SPRED1: variants seen among roughly 807,000 people sequenced by gnomAD.
The protein encoded by SPRED1 is sprouty related EVH1 domain containing 1.
A neutral mutation model predicts 52.3 loss-of-function variants in SPRED1; 18 were observed. The observed-to-expected ratio is 0.34, with a 90% CI of 0.24 to 0.51. The LOEUF (loss-of-function observed/expected upper bound fraction) is 0.51. Ranked by LOEUF, SPRED1 falls within the 20% of genes least tolerant of loss-of-function variation. The pLI is 0.97. For synonymous variants in SPRED1, 155 were observed against 179.7 expected, an observed-to-expected ratio of 0.86 and a Z score of 1.10; for missense variants, 485 against 551.0, an observed-to-expected ratio of 0.88 and a Z score of 1.20.
chr15:38,270,429 T>C (rs1894405599), intron 1 of SPRED1, among the ~76,000 whole-genome samples: 1 of 152,206 alleles, frequency 6.6e-6, no homozygotes, highest in Admixed American at 6.5e-5. Context: ...CTCACTGCTA[T>C]AAAGAACCAT....
intron 1 of SPRED1, among the ~76,000 whole-genome samples, chr15:38,254,351 C>A (rs1894046876): frequency 6.6e-6 from 1 of 152,148 alleles, no homozygotes; most frequent in Non-Finnish European, 1.5e-5. Context: ...ATTTCCTCCT[C>A]CCTTACTCCC....
intron 4 of SPRED1, 124 bp from the exon 5 acceptor site, chr15:38,339,613 A>G (rs1489141658): frequency 7.5e-6 from 7 of 938,344 alleles, no homozygotes; most frequent in East Asian, 4.8e-5. Context: ...ATTGCTATTC[A>G]TAGCGATGGT....
intron 1 of SPRED1, among the ~76,000 whole-genome samples, chr15:38,265,646 CTATT>C (rs1466039271): frequency 2.0e-5 from 3 of 151,166 alleles, no homozygotes; most frequent in Non-Finnish European, 4.4e-5. Context: ...TTTAATACAA[CTATT>C]TAGTTATAAA....
intron 2 of SPRED1, among the ~76,000 whole-genome samples, chr15:38,301,803 A>G (rs1012912497): frequency 6.6e-6 from 1 of 152,136 alleles, no homozygotes; most frequent in Non-Finnish European, 1.5e-5. Context: ...TCATTTCTGT[A>G]GTCATTGATT....
intron 1 of SPRED1, among the ~76,000 whole-genome samples, chr15:38,257,142 T>C (rs1022971397): frequency 2.6e-5 from 4 of 152,222 alleles, no homozygotes; most frequent in Non-Finnish European, 4.4e-5. Flanking sequence ...AGACCTTCTC[T>C]CTTCCCCTCT....
chr15:38,253,083 C>G lies in SPRED1; in HGVS notation c.-103C>G. On this transcript the variant is annotated 5_prime_UTR_variant, in exon 1 of 7. Coordinates refer to ENST00000299084, the MANE Select transcript of SPRED1 (RefSeq NM_152594.3). ...GGTGAGGCCCCTGTGCCGCTGCCCC[C>G]GCGCCCCCCCGGCCGCCGCTGCCTC... 1 of 990,774 alleles carries G rather than the reference C, an allele frequency of 1.0e-6. No individual in the cohort carries two copies. Among genetic ancestry groups the G allele is most frequent in the Admixed American group, 2.0e-5 (1 of 50,280 alleles). The allele number at this position is 990,774 out of a possible 1,614,324, so 61.4% of individuals were successfully genotyped here. A position where few individuals can be genotyped will look rare whatever the true frequency, so the allele number is the denominator to read the frequency against.
At chr15:38,279,776 T>C (rs1231704245) in intron 1 of SPRED1, among the ~76,000 whole-genome samples, 1 of 152,222 alleles carries the variant, frequency 6.6e-6, no homozygotes, top group Admixed American at 6.5e-5. Flanking sequence ...AGTAATTCAT[T>C]GCAAGGAGAC....
At chr15:38,295,872 C>CATT (rs1226005001) in intron 1 of SPRED1, among the ~76,000 whole-genome samples, 9 of 152,024 alleles carry the variant, frequency 5.9e-5, no homozygotes, top group Admixed American at 4.6e-4. Flanking sequence ...TTCATACATG[C>CATT]ATTAGCATGT....
At chr15:38,266,607 C>CTCCA (rs1471119733) in intron 1 of SPRED1, among the ~76,000 whole-genome samples, 2 of 152,094 alleles carry the variant, frequency 1.3e-5, no homozygotes, top group African/African-American at 4.8e-5. Flanking sequence ...GTGCACTGTG[C>CTCCA]TCCAGCCTGG....
rs1489650372 is a variant in SPRED1 at position 38,349,278 on chromosome 15, G to C, written c.583-144G>C. Reference sequence around the variant, plus strand: ...GGTTTTTGTTTGTGTTTTAGGTGGGGGGAAATGATTCTATTTTTATTCTCA... The same window carrying C: ...GGTTTTTGTTTGTGTTTTAGGTGGGCGGAAATGATTCTATTTTTATTCTCA... On this transcript the variant is annotated intron_variant, in intron 5 of 6. Coordinates refer to ENST00000299084, the MANE Select transcript of SPRED1 (RefSeq NM_152594.3). 6 of 618,788 alleles carry C rather than the reference G, an allele frequency of 9.7e-6. No individual in the cohort carries two copies. The East Asian group carries it at 1.8e-4, about 18-fold the overall frequency. The allele number at this position is 618,788 out of a possible 1,614,324, so 38.3% of individuals were successfully genotyped here. A position where few individuals can be genotyped will look rare whatever the true frequency, so the allele number is the denominator to read the frequency against.
intron 5 of SPRED1, among the ~76,000 whole-genome samples, chr15:38,340,571 C>T (rs181594703): frequency 1.3e-5 from 2 of 151,796 alleles, no homozygotes; most frequent in Admixed American, 6.6e-5. Flanking sequence ...CTCGCTCTGT[C>T]GCCCAGGCTG....
chr15:38,308,197 A>T (rs1895290123), intron 2 of SPRED1, among the ~76,000 whole-genome samples: 1 of 152,152 alleles, frequency 6.6e-6, no homozygotes, highest in African/African-American at 2.4e-5. Flanking sequence ...TTAAATTGAA[A>T]TTTTTGTTGA....
intron 1 of SPRED1, among the ~76,000 whole-genome samples, chr15:38,290,164 T>A (rs1378514359): frequency 6.6e-6 from 1 of 152,238 alleles, no homozygotes; most frequent in Non-Finnish European, 1.5e-5. Flanking sequence ...TGACTGCCTG[T>A]CTTCTATGTT....
intron 2 of SPRED1, among the ~76,000 whole-genome samples, chr15:38,321,134 G>A (rs1177138936): frequency 1.3e-5 from 2 of 152,102 alleles, no homozygotes. Context: ...GTATTAAAGA[G>A]CAGTAGAACA....
chr15:38,330,860 A>G (rs1895793600), intron 4 of SPRED1, among the ~76,000 whole-genome samples: 1 of 151,992 alleles, frequency 6.6e-6, no homozygotes, highest in Non-Finnish European at 1.5e-5. Flanking sequence ...TGACTTATTT[A>G]TTGGGAATCA....
intron 2 of SPRED1, among the ~76,000 whole-genome samples, chr15:38,320,996 G>A (rs890403405): frequency 2.0e-5 from 3 of 152,140 alleles, no homozygotes; most frequent in Non-Finnish European, 4.4e-5. Context: ...AGGCAAAAGT[G>A]GAACGTGGTC....
At chr15:38,322,463 G>C in intron 3 of SPRED1, 54 bp downstream of exon 3, 6 of 1,583,894 alleles carry the variant, frequency 3.8e-6, no homozygotes, top group Non-Finnish European at 5.2e-6. Context: ...TATAGTAGAG[G>C]TTATCTTTCT....
chr15:38,272,545 C>T (rs1173759766), intron 1 of SPRED1, among the ~76,000 whole-genome samples: 2 of 152,134 alleles, frequency 1.3e-5, no homozygotes, highest in Non-Finnish European at 2.9e-5. Flanking sequence ...GCTGGGATTA[C>T]AGGTGTGAGC....
intron 2 of SPRED1, among the ~76,000 whole-genome samples, chr15:38,302,515 T>C (rs1381497261): frequency 6.6e-6 from 1 of 152,200 alleles, no homozygotes; most frequent in Non-Finnish European, 1.5e-5. Flanking sequence ...ACTCATTCAC[T>C]CATTCAGTGA....
Sources: gnomAD v4.1 joint callset for allele counts (sites outside exome capture counted in the v4.1 genomes callset) on GRCh38, gnomAD v4.1.1 for gene constraint, MANE v1.5 for transcripts, NCBI Gene and HGNC (gene_info 2026-07-23, HGNC 2026-07-21) for gene names.